The following DAPK3 variants were observed in gnomAD, a reference collection of about 807,000 sequenced individuals.
DAPK3 encodes the protein death associated protein kinase 3.
DAPK3 carries 24 observed loss-of-function variants against 30.6 expected under a neutral mutation model. The ratio of observed to expected loss-of-function variants is 0.78; its 90% CI spans 0.57 to 1.10. The LOEUF is 1.10. DAPK3 is among the 50% of genes least tolerant of loss of function. The pLI is 0.00. For synonymous variants in DAPK3, 341 were observed against 284.0 expected, an observed-to-expected ratio of 1.20 and a Z score of -2.02; for missense variants, 629 against 657.3, an observed-to-expected ratio of 0.96 and a Z score of 0.47.
At chr19:3,969,878 T>C (rs2039616994) in intron 1 of DAPK3, 49 bp from the exon 2 acceptor site, 6 of 638,284 alleles carry the variant, frequency 9.4e-6, no homozygotes, top group Middle Eastern at 2.8e-4. Flanking sequence ...ACACCACCCT[T>C]TTCTCCTAGA....
chr19:3,964,676 G>C lies in DAPK3; in HGVS notation c.378C>G (p.Gly126=), dbSNP rs375001964. The change falls in exon 3 of 9, where the codon GGC becomes GGG. Residue 126 remains glycine (G), a synonymous_variant. Transcript: ENST00000545797. The part of the protein sequence containing the change: ...ATQFLKQILD[G]VHYLHSKRIA... ...TGCGCTTAGAGTGCAGGTAGTGAAC[G>C]CCGTCCAGGATCTGCTTGAGGAACT... is the stretch of plus-strand genomic sequence containing the variant. 1 of 1,606,014 alleles carries C rather than the reference G, an allele frequency of 6.2e-7. No homozygotes were observed. Among genetic ancestry groups the C allele is most frequent in the African/African-American group, 1.4e-5 (1 of 73,862 alleles).
intron 4 of DAPK3, 134 bp downstream of exon 4, chr19:3,964,110 A>C: frequency 1.1e-6 from 1 of 910,914 alleles, no homozygotes; most frequent in Non-Finnish European, 1.7e-6. Flanking sequence ...ACCTCCCGCA[A>C]AGCCGGGCCC....
In DAPK3 at chr19:3,969,656, T is replaced by A. The variant is rs139911207; in HGVS notation, c.62+18A>T. 1,233 of 1,560,346 alleles carry A rather than the reference T, an allele frequency of 7.9e-4. 3 individuals carry two copies. Among genetic ancestry groups the A allele is most frequent in the Middle Eastern group, 4.7e-3 (28 of 5,926 alleles). On this transcript the variant is annotated intron_variant, in intron 2 of 8. Coordinates refer to ENST00000545797, the MANE Select transcript of DAPK3 (RefSeq NM_001348.3). ...CTCTCCTATCCCTGGAGCCCAGCCG[T>A]GCGGGCAGACAGCTCACCTGCCCAG...
In DAPK3 at chr19:3,959,281, C is replaced by A. The variant is rs764416419; in HGVS notation, c.1185G>T (p.Ala395=). The A allele has an allele frequency of 6.3e-7, 1 of 1,597,294 alleles. No individual in the cohort carries two copies. Among genetic ancestry groups the A allele is most frequent in the Non-Finnish European group, 8.5e-7 (1 of 1,178,206 alleles). ...GCAGCGCGCCCTTGGCCTCCTCCTGCGCCTGCCGCTTGAGCGCCTCGGTCT... is the reference window on the plus strand; with the variant it reads ...GCAGCGCGCCCTTGGCCTCCTCCTGAGCCTGCCGCTTGAGCGCCTCGGTCT... ...LLKTEALKRQ[A]QEEAKGALLG... is the part of the protein sequence containing the mutation. Residue 395 remains alanine, a synonymous_variant, in exon 9 of 9, where the codon GCG becomes GCT. Coordinates refer to ENST00000545797, the MANE Select transcript of DAPK3 (RefSeq NM_001348.3).
chr19:3,964,622 A>T lies in DAPK3; in HGVS notation c.423+9T>A. On this transcript the variant is annotated intron_variant, in intron 3 of 8. Coordinates refer to ENST00000545797, the MANE Select transcript of DAPK3 (RefSeq NM_001348.3). ...CCAGGCCGGCCCCACAGGGCCCTAC[A>T]GGGCTCACCTTCAGGTCAAAGTGTG... The T allele has an allele frequency of 6.7e-7, 1 of 1,496,602 alleles. No individual in the cohort carries two copies. Among genetic ancestry groups the T allele is most frequent in the Non-Finnish European group, 9.0e-7 (1 of 1,112,208 alleles). 92.7% of individuals were successfully genotyped at this position (1,496,602 alleles called of 1,614,324 possible). A position where few individuals can be genotyped will look rare whatever the true frequency, so the allele number is the denominator to read the frequency against.
intron 3 of DAPK3, 63 bp downstream of exon 3, chr19:3,964,568 T>TGCCCCCCCCCAA: frequency 7.6e-7 from 1 of 1,321,030 alleles, no homozygotes. Flanking sequence ...TCCAGGCTCT[T>TGCCCCCCCCCAA]CCCCGCCCCA....
At chr19:3,969,874 C>A in intron 1 of DAPK3, 45 bp from the exon 2 acceptor site, 1 of 641,866 alleles carries the variant, frequency 1.6e-6, no homozygotes, top group South Asian at 1.8e-5. Context: ...TGAGACACCA[C>A]CCTTTTCTCC....
Position 3,963,731 on chromosome 19 carries a change from T to C in DAPK3, c.603-62A>G, listed in dbSNP as rs554522426. 432 of 1,396,852 alleles carry C rather than the reference T, an allele frequency of 3.1e-4. 6 individuals are homozygous for C. The highest frequency in any genetic ancestry group is 2.3e-5 in the Non-Finnish European group (23 of 1,021,070). 86.5% of individuals were successfully genotyped at this position (1,396,852 alleles called of 1,614,324 possible). On this transcript the variant is annotated intron_variant, in intron 5 of 8. Coordinates refer to ENST00000545797, the MANE Select transcript of DAPK3 (RefSeq NM_001348.3). Reference sequence around the variant, plus strand: ...GGGGCCGCCCACCCTCCCAGGACCGTGGCGTCCAGCGCCCCTGTTCTAGGG... The same window carrying C: ...GGGGCCGCCCACCCTCCCAGGACCGCGGCGTCCAGCGCCCCTGTTCTAGGG...
chr19:3,961,921 C>T (rs143951400), intron 6 of DAPK3: 9 of 178,592 alleles, frequency 5.0e-5, no homozygotes, highest in South Asian at 2.5e-4. Flanking sequence ...TGCAGTAGCG[C>T]GATCTCGGCT....
chr19:3,965,560 G>GT (rs1462263443), intron 2 of DAPK3, among the ~76,000 whole-genome samples: 1 of 152,202 alleles, frequency 6.6e-6, no homozygotes, highest in African/African-American at 2.4e-5. Flanking sequence ...AGAGGTTGCA[G>GT]TGAACTGAGA....
intron 7 of DAPK3, 124 bp downstream of exon 7, chr19:3,960,885 T>G: frequency 1.1e-6 from 1 of 944,778 alleles, no homozygotes; most frequent in Non-Finnish European, 1.6e-6. Flanking sequence ...GCCCAAGGGG[T>G]AAGCAATGTC....
chr19:3,961,679 G>T, intron 6 of DAPK3: 1 of 363,676 alleles, frequency 2.7e-6, no homozygotes, highest in South Asian at 2.0e-5. Context: ...CGTGGACTCA[G>T]ACGCCTTCTG....
rs200352688 is a variant in DAPK3, at chr19:3,959,301, C to G, written c.1165G>C (p.Glu389Gln). The G allele has an allele frequency of 6.3e-7, 1 of 1,595,760 alleles. No individual in the cohort carries two copies. The highest frequency in any genetic ancestry group is 8.5e-7 in the Non-Finnish European group (1 of 1,178,070). The change falls in exon 9 of 9, where the codon GAG (glutamate) becomes CAG (glutamine). Residue 389 changes from glutamate (E) to glutamine (Q), a missense_variant. By Grantham distance (29) the Glu-to-Gln change is conservative. Transcript: ENST00000545797. Reference protein sequence around the residue: ...RRLRQELLKTEALKRQAQEEA... With the variant: ...RRLRQELLKTQALKRQAQEEA... ...TCCTGCGCCTGCCGCTTGAGCGCCT[C>G]GGTCTTGAGCAGCTCCTGCCGTAGC...
Position 3,969,804 on chromosome 19 carries a change from A to G in DAPK3, c.-69T>C. On this transcript the variant is annotated 5_prime_UTR_variant, in exon 2 of 9. Transcript: ENST00000545797. ...GCAGTCACCGCAGCCTGGAGATAGG[A>G]CCTCAGGAGTCCCCTAATGGCAACC... The G allele has an allele frequency of 9.0e-7, 1 of 1,109,816 alleles. No individual in the cohort carries two copies. Among genetic ancestry groups the G allele is most frequent in the Middle Eastern group, 2.0e-4 (1 of 5,104 alleles). The allele number at this position is 1,109,816 out of a possible 1,614,324, so 68.7% of individuals were successfully genotyped here. A position where few individuals can be genotyped will look rare whatever the true frequency, so the allele number is the denominator to read the frequency against.
intron 2 of DAPK3, among the ~76,000 whole-genome samples, chr19:3,968,815 T>TGGGGAGGCTCC (rs1047996473): frequency 1.3e-5 from 2 of 152,016 alleles, no homozygotes; most frequent in African/African-American, 4.8e-5. Context: ...GGTGACATCA[T>TGGGGAGGCTCC]GGGGAGGCTC....
At position 3,964,127 on chromosome 19, in the gene DAPK3, G is replaced by A. The variant is rs1555682442; in HGVS notation, c.553+117C>T. The A allele has an allele frequency of 4.1e-6, 4 of 979,868 alleles. No homozygotes were observed. In the South Asian group the frequency reaches 6.3e-5, roughly 15 times the overall value. The allele number at this position is 979,868 out of a possible 1,614,324, so 60.7% of individuals were successfully genotyped here. ...CTCCCGCAAAGCCGGGCCCAAGAGG[G>A]GTGGCTTCAGGGCCGAGGACGCGGC... On this transcript the variant is annotated intron_variant, in intron 4 of 8. Transcript: ENST00000545797.
At chr19:3,960,529 T>C (rs2039498381) in intron 7 of DAPK3, among the ~76,000 whole-genome samples, 1 of 151,944 alleles carries the variant, frequency 6.6e-6, no homozygotes, top group Non-Finnish European at 1.5e-5. Flanking sequence ...TCCCAGCACT[T>C]TGGGAGACCA....
Position 3,958,652 on chromosome 19 carries a change from C to G in DAPK3, c.*449G>C, listed in dbSNP as rs1002186930. 5 of 387,110 alleles carry G rather than the reference C, an allele frequency of 1.3e-5. No homozygotes were observed. The highest frequency in any genetic ancestry group is 2.6e-5 in the Non-Finnish European group (5 of 194,696). The allele number at this position is 387,110 out of a possible 1,614,324, so 24.0% of individuals were successfully genotyped here. On this transcript the variant is annotated 3_prime_UTR_variant, in exon 9 of 9. Coordinates refer to ENST00000545797, the MANE Select transcript of DAPK3 (RefSeq NM_001348.3). ...CCCAGCAGCGTGGGGACTGCCTGTCCGCCGTCCATCCCACCCTCCCCGTCC... is the reference window on the plus strand; with the variant it reads ...CCCAGCAGCGTGGGGACTGCCTGTCGGCCGTCCATCCCACCCTCCCCGTCC...
chr19:3,966,285 T>C (rs760335857), intron 2 of DAPK3, among the ~76,000 whole-genome samples: 7 of 152,158 alleles, frequency 4.6e-5, no homozygotes, highest in Non-Finnish European at 7.3e-5. Context: ...CGCTGTCTCC[T>C]GCTAACAGAC....
Sources: gnomAD v4.1 joint callset for allele counts (sites outside exome capture counted in the v4.1 genomes callset) on GRCh38, gnomAD v4.1.1 for gene constraint, MANE v1.5 for transcripts, NCBI Gene and HGNC (gene_info 2026-07-23, HGNC 2026-07-21) for gene names.